The following GRM3 variants were observed in gnomAD, a reference collection of about 807,000 sequenced individuals.
GRM3 encodes metabotropic glutamate receptor 3.
GRM3 carries 26 observed loss-of-function variants against 70.5 expected under a neutral mutation model. The ratio of observed to expected loss-of-function variants is 0.37; its 90% CI spans 0.27 to 0.51. The LOEUF (loss-of-function observed/expected upper bound fraction) is 0.51. Ranked by LOEUF, GRM3 falls within the 20% of genes least tolerant of loss-of-function variation. The probability of loss-of-function intolerance (pLI) is 0.93; values close to 1 mark genes in which losing one functional copy is unlikely to be tolerated. For synonymous variants in GRM3, 443 were observed against 434.9 expected, an observed-to-expected ratio of 1.02 and a Z score of -0.23; for missense variants, 859 against 1,123.8, an observed-to-expected ratio of 0.76 and a Z score of 3.37.
chr7:86,753,244 C>T (rs12704287), intron 1 of GRM3, among the ~76,000 whole-genome samples: 14,901 of 152,050 alleles, frequency 0.098, 865 homozygotes, highest in Middle Eastern at 0.16. Context: ...TTAATAATAG[C>T]TAACAGTTAT....
At chr7:86,716,053 A>G (rs1795306594) in intron 1 of GRM3, among the ~76,000 whole-genome samples, 2 of 152,028 alleles carry the variant, frequency 1.3e-5, no homozygotes, top group Non-Finnish European at 2.9e-5. Context: ...TCAACAATTA[A>G]CATACCTTCT....
chr7:86,668,272 T>TG (rs1248766465), intron 1 of GRM3, among the ~76,000 whole-genome samples: 1 of 151,738 alleles, frequency 6.6e-6, no homozygotes, highest in East Asian at 1.9e-4. Flanking sequence ...TGTCAAAATT[T>TG]TTTTTTTTTG....
At chr7:86,652,433 C>G (rs577992158) in intron 1 of GRM3, among the ~76,000 whole-genome samples, 357 of 152,224 alleles carry the variant, frequency 2.3e-3, no homozygotes, top group Admixed American at 7.4e-3. Context: ...CGGATTCAAG[C>G]GATTTTCCTG....
chr7:86,699,025 G>T (rs1794892140), intron 1 of GRM3, among the ~76,000 whole-genome samples: 1 of 151,982 alleles, frequency 6.6e-6, no homozygotes, highest in Non-Finnish European at 1.5e-5. Context: ...AGCCTCTGAA[G>T]ATCTTAAATC....
chr7:86,731,017 A>G (rs1024700442), intron 1 of GRM3, among the ~76,000 whole-genome samples: 6 of 152,098 alleles, frequency 3.9e-5, no homozygotes, highest in African/African-American at 1.4e-4. Context: ...AAATCTAGGC[A>G]TTCTTAAGTT....
At position 86,859,458 on chromosome 7, in the gene GRM3, A is replaced by C. The variant is rs570119282; in HGVS notation, c.2567-4824A>C. The stretch of plus-strand genomic sequence containing the variant: ...GTAAAATTAAGATGATGAGTAAGAA[A>C]ACAGATTCAATGACAAAGCAGGACA... On this transcript the variant is annotated intron_variant, in intron 5 of 5. Coordinates refer to ENST00000361669, the MANE Select transcript of GRM3 (RefSeq NM_000840.3). 2.0e-5 allele frequency among the ~76,000 whole-genome samples: 3 copies of C among 152,308 alleles called. No homozygotes were observed. In the South Asian group the frequency reaches 6.2e-4, roughly 32 times the overall value.
At chr7:86,794,337 C>G (rs1797497396) in intron 3 of GRM3, among the ~76,000 whole-genome samples, 1 of 152,122 alleles carries the variant, frequency 6.6e-6, no homozygotes, top group African/African-American at 2.4e-5. Flanking sequence ...TATCAGATTG[C>G]TGTACTCACC....
chr7:86,777,464 T>C (rs1796922647), intron 2 of GRM3, among the ~76,000 whole-genome samples: 1 of 152,180 alleles, frequency 6.6e-6, no homozygotes, highest in Non-Finnish European at 1.5e-5. Flanking sequence ...TGTTGAATGG[T>C]GATAACCAAT....
At chr7:86,741,156 G>A (rs1795981627) in intron 1 of GRM3, among the ~76,000 whole-genome samples, 1 of 152,132 alleles carries the variant, frequency 6.6e-6, no homozygotes, top group African/African-American at 2.4e-5. Context: ...TTGGGATGTT[G>A]TGTTTGACCT....
At chr7:86,687,839 TTAAA>T (rs1463856892) in intron 1 of GRM3, among the ~76,000 whole-genome samples, 1 of 151,796 alleles carries the variant, frequency 6.6e-6, no homozygotes, top group Non-Finnish European at 1.5e-5. Flanking sequence ...TTTTGCATGT[TTAAA>T]TAATAAAAAT....
intron 5 of GRM3, among the ~76,000 whole-genome samples, chr7:86,853,282 A>G (rs747030670): frequency 1.3e-5 from 2 of 152,208 alleles, no homozygotes; most frequent in Non-Finnish European, 2.9e-5. Flanking sequence ...AGGTCCGGGT[A>G]AAATGTATTT....
intron 4 of GRM3, among the ~76,000 whole-genome samples, chr7:86,841,927 G>T (rs1798566013): frequency 6.6e-6 from 1 of 152,062 alleles, no homozygotes; most frequent in Admixed American, 6.6e-5. Context: ...GTTTTTTAAG[G>T]TCCGTGATAA....
At chr7:86,694,331 TG>T (rs1794761499) in intron 1 of GRM3, among the ~76,000 whole-genome samples, 1 of 151,418 alleles carries the variant, frequency 6.6e-6, no homozygotes, top group Non-Finnish European at 1.5e-5. Flanking sequence ...CAGACCACGG[TG>T]AAACCCTGTC....
intron 1 of GRM3, among the ~76,000 whole-genome samples, chr7:86,655,428 A>T (rs1793710716): frequency 6.6e-6 from 1 of 152,212 alleles, no homozygotes; most frequent in South Asian, 2.1e-4. Flanking sequence ...GGAATAAAAT[A>T]AAAAAGCAAA....
chr7:86,750,694 TAA>T (rs75485023), intron 1 of GRM3, among the ~76,000 whole-genome samples: 1 of 144,156 alleles, frequency 6.9e-6, no homozygotes. Flanking sequence ...TAAAGTAGAT[TAA>T]AAAAAAAAAG....
chr7:86,659,987 G>C (rs1410700390), intron 1 of GRM3, among the ~76,000 whole-genome samples: 1 of 151,926 alleles, frequency 6.6e-6, no homozygotes, highest in Non-Finnish European at 1.5e-5. Flanking sequence ...TTGACACGTT[G>C]GTGAAAATCA....
intron 1 of GRM3, among the ~76,000 whole-genome samples, chr7:86,650,428 A>G (rs543079661): frequency 5.5e-4 from 83 of 152,116 alleles, no homozygotes; most frequent in Non-Finnish European, 1.0e-3. Flanking sequence ...CTGAGCTCCA[A>G]GTAGAGGGAC....
chr7:86,753,767 G>A (rs911698572), intron 1 of GRM3, among the ~76,000 whole-genome samples: 1 of 152,162 alleles, frequency 6.6e-6, no homozygotes, highest in African/African-American at 2.4e-5. Context: ...GATTTTATAA[G>A]AGCATTGTTA....
rs1793966887 is a variant in GRM3, at chr7:86,664,188, T to C, written c.-141+19316T>C. On this transcript the variant is annotated intron_variant, in intron 1 of 5. Coordinates refer to ENST00000361669, the MANE Select transcript of GRM3 (RefSeq NM_000840.3). ...ACCCTCACTGGAATGTGGAGAATGATGGGGGTTGAGGGGTCAGAATGGAAC... is the reference window on the plus strand; with the variant it reads ...ACCCTCACTGGAATGTGGAGAATGACGGGGGTTGAGGGGTCAGAATGGAAC... Among the ~76,000 whole-genome samples, 3 of 151,978 alleles carry C rather than the reference T, an allele frequency of 2.0e-5. No individual in the cohort carries two copies. The South Asian group carries it at 6.2e-4, about 32-fold the overall frequency.
Sources: gnomAD v4.1 joint callset for allele counts (sites outside exome capture counted in the v4.1 genomes callset) on GRCh38, gnomAD v4.1.1 for gene constraint, MANE v1.5 for transcripts, NCBI Gene and HGNC (gene_info 2026-07-23, HGNC 2026-07-21) for gene names.